PTGER3: variants seen among roughly 807,000 people sequenced by gnomAD.
PTGER3 encodes the protein prostaglandin E receptor 3.
A neutral mutation model predicts 34.7 loss-of-function variants in PTGER3; 22 were observed. That is an observed-to-expected ratio of 0.63 (90% confidence interval 0.45 to 0.91). The LOEUF is 0.91. Ranked by LOEUF, PTGER3 falls within the 40% of genes least tolerant of loss-of-function variation. PTGER3 has a pLI of 0.00. For synonymous variants in PTGER3, 241 were observed against 230.1 expected (o/e 1.05, Z -0.43); for missense variants, 468 against 519.4 (o/e 0.90, Z 0.96).
intron 3 of PTGER3, among the ~76,000 whole-genome samples, chr1:70,974,074 A>T (rs1381712724): frequency 6.6e-6 from 1 of 152,316 alleles, no homozygotes; most frequent in East Asian, 1.9e-4. Context: ...ATCAGTCACA[A>T]GATCAGACTC....
intron 2 of PTGER3, among the ~76,000 whole-genome samples, chr1:70,954,020 T>C (rs1156936891): frequency 6.6e-6 from 1 of 152,078 alleles, no homozygotes; most frequent in Non-Finnish European, 1.5e-5. Context: ...CTACCAAGCA[T>C]CTCCTAGTCA....
chr1:70,927,140 C>A (rs1648176928), intron 4 of PTGER3, among the ~76,000 whole-genome samples: 1 of 152,170 alleles, frequency 6.6e-6, no homozygotes, highest in Non-Finnish European at 1.5e-5. Flanking sequence ...GTCTAAAATT[C>A]TCTTTTTTGG....
chr1:70,894,114 C>A (rs1300743029), intron 4 of PTGER3, among the ~76,000 whole-genome samples: 1 of 151,910 alleles, frequency 6.6e-6, no homozygotes, highest in East Asian at 1.9e-4. Flanking sequence ...TCTAGACCAG[C>A]CTGGCCAACG....
At chr1:70,944,305 T>C (rs934359565) in intron 4 of PTGER3, among the ~76,000 whole-genome samples, 5 of 152,066 alleles carry the variant, frequency 3.3e-5, no homozygotes, top group African/African-American at 9.7e-5. Context: ...TTCTGAGAAA[T>C]TGTGAGAAGT....
At chr1:71,038,117 AT>A (rs1465278665) in intron 1 of PTGER3, among the ~76,000 whole-genome samples, 1 of 152,156 alleles carries the variant, frequency 6.6e-6, no homozygotes, top group African/African-American at 2.4e-5. Flanking sequence ...CTCTTTCATC[AT>A]TTTCAACATT....
At chr1:71,005,721 G>A (rs1656898122) in intron 2 of PTGER3, 1 of 278,798 alleles carries the variant, frequency 3.6e-6, no homozygotes, top group Non-Finnish European at 5.4e-6. Flanking sequence ...GCTAGTACTA[G>A]CAAGCACACT....
intron 2 of PTGER3, among the ~76,000 whole-genome samples, chr1:70,987,321 T>C (rs111607329): frequency 5.6e-4 from 85 of 152,348 alleles, no homozygotes; most frequent in Non-Finnish European, 1.1e-3. Context: ...GTATAAGTTA[T>C]GTTTTGTTGT....
chr1:70,856,612 C>CT (rs1334326999), intron 4 of PTGER3, among the ~76,000 whole-genome samples: 1 of 152,058 alleles, frequency 6.6e-6, no homozygotes, highest in Non-Finnish European at 1.5e-5. Flanking sequence ...TTATTATGGG[C>CT]TTTTTCCCAT....
At chr1:70,893,897 T>C (rs1298854861) in intron 4 of PTGER3, among the ~76,000 whole-genome samples, 2 of 152,150 alleles carry the variant, frequency 1.3e-5, no homozygotes, top group Admixed American at 6.6e-5. Context: ...AATCCAACAA[T>C]ATTTATTAAA....
At chr1:71,039,839 C>A (rs1409986014) in intron 1 of PTGER3, among the ~76,000 whole-genome samples, 1 of 151,998 alleles carries the variant, frequency 6.6e-6, no homozygotes, top group Non-Finnish European at 1.5e-5. Flanking sequence ...TATCTCAACA[C>A]AAGAGTCAAC....
chr1:71,043,553 A>C (rs748275743), intron 1 of PTGER3, among the ~76,000 whole-genome samples: 1 of 152,204 alleles, frequency 6.6e-6, no homozygotes, highest in Non-Finnish European at 1.5e-5. Flanking sequence ...GGTCCTTTCA[A>C]GTAAGAAGTT....
At chr1:71,020,321 A>AT (rs1658292229) in intron 1 of PTGER3, among the ~76,000 whole-genome samples, 2 of 152,310 alleles carry the variant, frequency 1.3e-5, no homozygotes, top group Non-Finnish European at 2.9e-5. Context: ...ATTTTATAAG[A>AT]TTTTTTAAAA....
At chr1:70,940,592 G>A (rs1354872098) in intron 4 of PTGER3, among the ~76,000 whole-genome samples, 2 of 152,130 alleles carry the variant, frequency 1.3e-5, no homozygotes, top group East Asian at 3.8e-4. Context: ...CTTCTTACAT[G>A]GTGGCAGGAA....
intron 1 of PTGER3, among the ~76,000 whole-genome samples, chr1:71,024,582 G>T (rs541732167): frequency 8.6e-5 from 13 of 151,856 alleles, no homozygotes; most frequent in Non-Finnish European, 1.8e-4. Flanking sequence ...TGCCCATTTG[G>T]GGGTACAGAT....
At chr1:70,980,220 G>C (rs1409164) in intron 2 of PTGER3, among the ~76,000 whole-genome samples, 28,908 of 152,076 alleles carry the variant, frequency 0.19, 3,236 homozygotes, top group East Asian at 0.45. Context: ...GGGTGGATGG[G>C]AATTGGAGAA....
At chr1:71,015,252 CAGAT>C (rs1420250983) in intron 1 of PTGER3, among the ~76,000 whole-genome samples, 2 of 152,124 alleles carry the variant, frequency 1.3e-5, no homozygotes, top group Admixed American at 6.6e-5. Flanking sequence ...AGTAGATAGA[CAGAT>C]AGACAATACT....
rs183384972 is a variant in PTGER3, at chr1:70,992,051, T to A, written c.1078-17663A>T. Among the ~76,000 whole-genome samples, 15 of 152,288 alleles carry A rather than the reference T, an allele frequency of 9.8e-5. No homozygotes were observed. In the East Asian group the frequency reaches 2.7e-3, roughly 27 times the overall value. ...TTAGCTCATTTGATGTTCATAGTAA[T>A]CCCAGAGGAAAGTACTAATACCTTT... is the stretch of plus-strand genomic sequence containing the variant. On this transcript the variant is annotated intron_variant, in intron 2 of 3. Transcript: ENST00000306666.
chr1:70,969,589 TG>T (rs1432172646), downstream of PTGER3, among the ~76,000 whole-genome samples: 1 of 152,150 alleles, frequency 6.6e-6, no homozygotes, highest in Non-Finnish European at 1.5e-5. Flanking sequence ...ACTTCAAAGT[TG>T]CAGACAGAGG....
At chr1:71,019,538 C>G (rs1022056975) in intron 1 of PTGER3, among the ~76,000 whole-genome samples, 6 of 152,130 alleles carry the variant, frequency 3.9e-5, no homozygotes, top group African/African-American at 1.2e-4. Context: ...ATTCGCCATC[C>G]CTGTCTACTG....
Sources: gnomAD v4.1 joint callset for allele counts (sites outside exome capture counted in the v4.1 genomes callset) on GRCh38, gnomAD v4.1.1 for gene constraint, MANE v1.5 for transcripts, NCBI Gene and HGNC (gene_info 2026-07-23, HGNC 2026-07-21) for gene names.